The following MPDZ variants were observed in gnomAD, a reference collection of about 807,000 sequenced individuals.
MPDZ encodes the protein multiple PDZ domain crumbs cell polarity complex component.
MPDZ carries 234 observed loss-of-function variants against 239.1 expected under a neutral mutation model. The observed-to-expected ratio is 0.98, with a 90% CI of 0.88 to 1.09. The LOEUF (loss-of-function observed/expected upper bound fraction) is 1.09. Ranked by LOEUF, MPDZ falls within the 50% of genes least tolerant of loss-of-function variation. The pLI is 0.00. For synonymous variants in MPDZ, 1,048 were observed against 881.3 expected (o/e 1.19, Z -3.35); for missense variants, 3,175 against 2,510.0 (o/e 1.26, Z -5.66).
chr9:13,180,058 T>TAC (rs1953074836), intron 19 of MPDZ, among the ~76,000 whole-genome samples: 1 of 152,138 alleles, frequency 6.6e-6, no homozygotes, highest in African/African-American at 2.4e-5. Context: ...CTTTTATACC[T>TAC]TGGAGAGCCT....
intron 27 of MPDZ, among the ~76,000 whole-genome samples, chr9:13,143,043 T>G (rs1269494358): frequency 1.3e-5 from 2 of 152,130 alleles, no homozygotes; most frequent in Non-Finnish European, 2.9e-5. Flanking sequence ...ACACAATTAT[T>G]TGTGCAGTGA....
At chr9:13,210,338 A>T (rs1019296730) in intron 10 of MPDZ, among the ~76,000 whole-genome samples, 3 of 152,138 alleles carry the variant, frequency 2.0e-5, no homozygotes, top group Non-Finnish European at 4.4e-5. Context: ...AATTTAAACT[A>T]GGTGGTAAAG....
rs191783762 is a variant in MPDZ at position 13,271,214 on chromosome 9, G to A, written c.-58+8186C>T. ...TTGTAGCTCCAACATTTAAATAAGG[G>A]CCTTTAAATTTTCTATGTTATGTTT... On this transcript the variant is annotated intron_variant, in intron 1 of 46. Coordinates refer to ENST00000319217, the MANE Select transcript of MPDZ (RefSeq NM_001378778.1). Among the ~76,000 whole-genome samples, 374 of 152,018 alleles carry A rather than the reference G, an allele frequency of 2.5e-3. 2 individuals carry two copies. Among genetic ancestry groups the A allele is most frequent in the African/African-American group, 8.8e-3 (363 of 41,458 alleles).
chr9:13,278,487 C>G (rs1974765578), intron 1 of MPDZ, among the ~76,000 whole-genome samples: 1 of 152,138 alleles, frequency 6.6e-6, no homozygotes, highest in South Asian at 2.1e-4. Context: ...GCAAGAATAG[C>G]CCAGCCTTTG....
At chr9:13,110,499 T>C (rs970072997) in intron 44 of MPDZ, 137 bp downstream of exon 44, 1 of 685,908 alleles carries the variant, frequency 1.5e-6, no homozygotes, top group Non-Finnish European at 2.5e-6. Context: ...GAACTCTTAA[T>C]TTAATCATTT....
At chr9:13,193,082 A>G in intron 14 of MPDZ, 85 bp downstream of exon 14, 2 of 1,255,682 alleles carry the variant, frequency 1.6e-6, no homozygotes, top group Non-Finnish European at 1.0e-6. Context: ...GAAATTTAAA[A>G]TGAGAATTTA....
chr9:13,121,959 A>G (rs1318574107), intron 37 of MPDZ, 27 bp from the exon 38 acceptor site: 1 of 1,607,336 alleles, frequency 6.2e-7, no homozygotes, highest in Admixed American at 1.7e-5. Flanking sequence ...CACTGACTGT[A>G]AGGAACATGA....
At chr9:13,187,020 C>T (rs947954291) in intron 17 of MPDZ, among the ~76,000 whole-genome samples, 1 of 152,044 alleles carries the variant, frequency 6.6e-6, no homozygotes, top group Non-Finnish European at 1.5e-5. Context: ...AACTTGGTCA[C>T]GCTGACAGAA....
At chr9:13,197,486 A>G (rs1955795232) in intron 12 of MPDZ, among the ~76,000 whole-genome samples, 1 of 152,092 alleles carries the variant, frequency 6.6e-6, no homozygotes, top group African/African-American at 2.4e-5. Flanking sequence ...TTTTATTGAT[A>G]CATAATTGTA....
rs755555107 is a variant in MPDZ, at chr9:13,121,900, A to T, written c.5070T>A (p.His1690Gln). ...GTCTCAGGACATTGATTGCTTCATC[A>T]TGTGTGGCCTTTCTCAAGTCAATTC... ...VNGIDLRKAT[H>Q]DEAINVLRQT... The change falls in exon 38 of 47, where the codon CAT becomes CAA. Residue 1690 changes from histidine to glutamine, a missense_variant. His to Gln is a conservative substitution (Grantham distance 24). Transcript: ENST00000319217. The T allele has an allele frequency of 1.2e-5, 19 of 1,613,716 alleles. No individual in the cohort carries two copies. Among genetic ancestry groups the T allele is most frequent in the South Asian group, 2.2e-5 (2 of 91,028 alleles).
At chr9:13,119,863 C>T (rs1586937481) in intron 38 of MPDZ, 2 of 568,068 alleles carry the variant, frequency 3.5e-6, no homozygotes, top group Admixed American at 6.1e-5. Flanking sequence ...AAATGATCTC[C>T]AATAAGCATA....
chr9:13,183,492 T>C lies in MPDZ; in HGVS notation c.2575A>G (p.Ile859Val), dbSNP rs749307327. The change falls in exon 19 of 47, where the codon ATT (isoleucine) becomes GTT (valine). Residue 859 changes from isoleucine to valine, a missense_variant. By Grantham distance (29) the Ile-to-Val change is conservative (BLOSUM62 3). Transcript: ENST00000319217. ...NDSIYSTQAS[I>V]LSLHGSSCGD... ...CAAGAACTGCCATGAAGAGATAAAA[T>C]AGAGGCTTGAGTAGAGTAGATGCTG... 14 of 1,612,388 alleles carry C rather than the reference T, an allele frequency of 8.7e-6. No individual in the cohort carries two copies. The East Asian group carries it at 1.3e-4, about 15-fold the overall frequency.
At chr9:13,136,013 G>T in intron 31 of MPDZ, 79 bp downstream of exon 31, 1 of 947,856 alleles carries the variant, frequency 1.1e-6, no homozygotes, top group Non-Finnish European at 1.6e-6. Context: ...CTCTCTAAGT[G>T]TTATGTAATT....
At chr9:13,252,791 G>A (rs1164513475) in intron 1 of MPDZ, among the ~76,000 whole-genome samples, 2 of 151,996 alleles carry the variant, frequency 1.3e-5, no homozygotes, top group Non-Finnish European at 2.9e-5. Flanking sequence ...CCAATATAAG[G>A]AAGCCCAGGG....
intron 31 of MPDZ, chr9:13,135,560 A>G (rs1337489026): frequency 6.6e-6 from 1 of 151,990 alleles, no homozygotes; most frequent in Non-Finnish European, 1.5e-5. Flanking sequence ...TCATTCTTTG[A>G]GCTCCACACT....
At chr9:13,110,856 G>T in intron 43 of MPDZ, 116 bp from the exon 44 acceptor site, 1 of 592,538 alleles carries the variant, frequency 1.7e-6, no homozygotes, top group Non-Finnish European at 2.8e-6. Flanking sequence ...ACTGCTACCA[G>T]CCACTGAAAT....
rs759175172 is a variant in MPDZ, at chr9:13,136,057, G to C, written c.4383+35C>G. ...AATTAATAAGGCTCACATCAATCAA[G>C]TCTTCCCAGAGAAACAAACATAAGT... On this transcript the variant is annotated intron_variant, in intron 31 of 46. Transcript: ENST00000319217. The C allele has an allele frequency of 4.4e-6, 6 of 1,362,208 alleles. No homozygotes were observed. The African/African-American group carries it at 7.2e-5, about 16-fold the overall frequency. 84.4% of individuals were successfully genotyped at this position (1,362,208 alleles called of 1,614,324 possible). A position where few individuals can be genotyped will look rare whatever the true frequency, so the allele number is the denominator to read the frequency against.
At chr9:13,250,482 CTTG>C in intron 1 of MPDZ, 110 bp from the exon 2 acceptor site, 1 of 595,212 alleles carries the variant, frequency 1.7e-6, no homozygotes, top group Non-Finnish European at 2.9e-6. Context: ...CCATTAAAAT[CTTG>C]TTGATACAAC....
intron 5 of MPDZ, among the ~76,000 whole-genome samples, chr9:13,222,955 C>T (rs1267985065): frequency 6.6e-6 from 1 of 151,234 alleles, no homozygotes; most frequent in Non-Finnish European, 1.5e-5. Context: ...CAAATATACT[C>T]AAAAAAAATA....
Sources: gnomAD v4.1 joint callset for allele counts (sites outside exome capture counted in the v4.1 genomes callset) on GRCh38, gnomAD v4.1.1 for gene constraint, MANE v1.5 for transcripts, NCBI Gene and HGNC (gene_info 2026-07-23, HGNC 2026-07-21) for gene names.